JPH3: variants seen among roughly 807,000 people sequenced by gnomAD.
JPH3 encodes junctophilin 3.
In JPH3, 11 loss-of-function variants were observed where a neutral mutation model predicts 59.6. The observed-to-expected ratio is 0.18, with a 90% confidence interval of 0.12 to 0.31. The LOEUF is 0.31. JPH3 is among the 10% of genes least tolerant of loss of function. JPH3 has a pLI of 1.00. For synonymous variants in JPH3, 673 were observed against 483.6 expected, an observed-to-expected ratio of 1.39 and a Z score of -5.14; for missense variants, 1,202 against 1,105.7, an observed-to-expected ratio of 1.09 and a Z score of -1.24.
At chr16:87,641,799 A>T (rs2031962463) in intron 1 of JPH3, among the ~76,000 whole-genome samples, 1 of 152,260 alleles carries the variant, frequency 6.6e-6, no homozygotes, top group African/African-American at 2.4e-5. Context: ...TGGCTGGGCC[A>T]TATGCCACAT....
intron 2 of JPH3, among the ~76,000 whole-genome samples, chr16:87,651,987 T>C (rs924412726): frequency 1.3e-5 from 2 of 152,170 alleles, no homozygotes; most frequent in East Asian, 1.9e-4. Context: ...TTTTTTGTTT[T>C]GTTTTGAGAT....
chr16:87,644,610 C>T lies in JPH3; in HGVS notation c.735C>T (p.Arg245=), dbSNP rs761265274. ...ASQRSKQSSF[R]SEAGMSTVSS... is the part of the protein sequence containing the mutation. ...AACGCAGCAAGCAGAGCTCCTTTCGCAGCGAGGCGGGCATGAGCACCGTCA... is the reference window on the plus strand; with the variant it reads ...AACGCAGCAAGCAGAGCTCCTTTCGTAGCGAGGCGGGCATGAGCACCGTCA... Residue 245 remains arginine, a synonymous_variant, in exon 2 of 5, where the codon CGC becomes CGT. Coordinates refer to ENST00000284262, the MANE Select transcript of JPH3 (RefSeq NM_020655.4). The T allele has an allele frequency of 6.2e-6, 10 of 1,612,666 alleles. No homozygotes were observed. The highest frequency in any genetic ancestry group is 1.3e-5 in the African/African-American group (1 of 74,930).
intron 1 of JPH3, 40 bp downstream of exon 1, chr16:87,603,568 C>T: frequency 2.0e-6 from 3 of 1,530,780 alleles, no homozygotes; most frequent in South Asian, 1.2e-5. Context: ...GCGGGAGGGA[C>T]GTGCTTCCGA....
intron 1 of JPH3, among the ~76,000 whole-genome samples, chr16:87,633,122 G>C (rs1441480011): frequency 6.6e-6 from 1 of 152,164 alleles, no homozygotes; most frequent in Non-Finnish European, 1.5e-5. Context: ...AAATACCACA[G>C]ACAGCATGGC....
intron 1 of JPH3, among the ~76,000 whole-genome samples, chr16:87,642,995 C>A (rs1457453159): frequency 6.6e-6 from 1 of 152,194 alleles, no homozygotes; most frequent in African/African-American, 2.4e-5. Context: ...CTGTTTACCT[C>A]CAAGGCTTTC....
chr16:87,683,262 T>C (rs1597288536), intron 2 of JPH3, among the ~76,000 whole-genome samples: 1 of 152,052 alleles, frequency 6.6e-6, no homozygotes, highest in Admixed American at 6.5e-5. Flanking sequence ...TTGGACTCTT[T>C]CTGTGCACAT....
chr16:87,604,772 T>G (rs2030451212), intron 1 of JPH3: 1 of 676,420 alleles, frequency 1.5e-6, no homozygotes, highest in Non-Finnish European at 2.0e-6. Context: ...AAAAGCAGGG[T>G]TCGTTATTAC....
intron 1 of JPH3, among the ~76,000 whole-genome samples, chr16:87,620,923 G>A (rs981356392): frequency 1.3e-5 from 2 of 152,192 alleles, no homozygotes; most frequent in African/African-American, 4.8e-5. Flanking sequence ...CACTTTGGGA[G>A]GCTGAGGCCT....
chr16:87,669,615 C>G (rs957576215), intron 2 of JPH3, among the ~76,000 whole-genome samples: 1 of 152,118 alleles, frequency 6.6e-6, no homozygotes, highest in Middle Eastern at 3.2e-3. Flanking sequence ...CCTGTCTGCC[C>G]CATGGTGAGT....
Position 87,697,222 on chromosome 16 carries a change from T to C in JPH3, c.*562T>C. ...CTGTGTGAGATCTGTGCTGCACACC[T>C]GAGGGAGGGGGAGGGATCGGCCACC... is the stretch of plus-strand genomic sequence containing the variant. On this transcript the variant is annotated 3_prime_UTR_variant, in exon 5 of 5. Coordinates refer to ENST00000284262, the MANE Select transcript of JPH3 (RefSeq NM_020655.4). The C allele has an allele frequency of 6.4e-6, 1 of 155,894 alleles. No individual in the cohort carries two copies. Among genetic ancestry groups the C allele is most frequent in the Non-Finnish European group, 1.4e-5 (1 of 70,092 alleles). 9.7% of individuals were successfully genotyped at this position (155,894 alleles called of 1,614,324 possible).
intron 2 of JPH3, among the ~76,000 whole-genome samples, chr16:87,648,296 C>T (rs1441364387): frequency 6.6e-6 from 1 of 152,084 alleles, no homozygotes; most frequent in African/African-American, 2.4e-5. Flanking sequence ...GAGAGTGAAG[C>T]TGATGAATGG....
intron 4 of JPH3, chr16:87,695,289 C>G: frequency 2.2e-6 from 1 of 455,910 alleles, no homozygotes; most frequent in Non-Finnish European, 4.4e-6. Flanking sequence ...TGACCAGAGG[C>G]CAGACTTGGG....
rs147751307 is a variant in JPH3 at position 87,622,896 on chromosome 16, T to G, written c.382+19368T>G. On this transcript the variant is annotated intron_variant, in intron 1 of 4. Transcript: ENST00000284262. ...TCACCCTTCCAGGGCTGGCAAGGCATTGGGGGTATGAGAGGGCCCTGGGGT... is the reference window on the plus strand; with the variant it reads ...TCACCCTTCCAGGGCTGGCAAGGCAGTGGGGGTATGAGAGGGCCCTGGGGT... Among the ~76,000 whole-genome samples the G allele has an allele frequency of 2.0e-5, 3 of 152,026 alleles. No homozygotes were observed. In the East Asian group the frequency reaches 5.8e-4, roughly 29 times the overall value.
chr16:87,616,822 G>A (rs753820331), intron 1 of JPH3, among the ~76,000 whole-genome samples: 7 of 152,170 alleles, frequency 4.6e-5, no homozygotes, highest in East Asian at 1.9e-4. Flanking sequence ...CTTCAGTTTC[G>A]TCGTTTCCAA....
In JPH3 at chr16:87,677,877, T is replaced by C. The variant is rs12599139; in HGVS notation, c.1161-6265T>C. Among the ~76,000 whole-genome samples, 866 of 152,308 alleles carry C rather than the reference T, an allele frequency of 5.7e-3. 16 individuals are homozygous for C. The East Asian group carries it at 0.073, about 13-fold the overall frequency. ...AGCCGGAGGCCTGAGATTGTGGGGA[T>C]GGGGATTGAGGTCAGGACTGTCTTA... On this transcript the variant is annotated intron_variant, in intron 2 of 4. Coordinates refer to ENST00000284262, the MANE Select transcript of JPH3 (RefSeq NM_020655.4).
rs373143340 is a variant in JPH3, at chr16:87,644,402, C to T, written c.527C>T (p.Ala176Val). The change falls in exon 2 of 5, where the codon GCG becomes GTG. Residue 176 changes from alanine to valine, a missense_variant. Transcript: ENST00000284262. ...SLRSEHTNGT[A>V]LHPDASPAVA... ...CGCAGCGAGCACACCAACGGCACGG[C>T]GCTGCATCCCGACGCCTCTCCGGCG... 63 of 1,612,592 alleles carry T rather than the reference C, an allele frequency of 3.9e-5. 1 individual carries two copies. Among genetic ancestry groups the T allele is most frequent in the South Asian group, 2.2e-4 (20 of 91,046 alleles).
intron 4 of JPH3, 51 bp downstream of exon 4, chr16:87,690,577 C>T: frequency 7.0e-7 from 1 of 1,421,998 alleles, no homozygotes; most frequent in African/African-American, 1.4e-5. Context: ...ATCCACCTCT[C>T]TGCTGACCTG....
intron 1 of JPH3, among the ~76,000 whole-genome samples, chr16:87,627,003 A>C (rs906297493): frequency 3.9e-5 from 6 of 152,244 alleles, no homozygotes; most frequent in Admixed American, 3.9e-4. Flanking sequence ...TTTTTAAAAG[A>C]TAATTTTAAA....
chr16:87,666,278 A>G (rs1449032570), intron 2 of JPH3, among the ~76,000 whole-genome samples: 2 of 151,784 alleles, frequency 1.3e-5, no homozygotes, highest in Non-Finnish European at 2.9e-5. Flanking sequence ...TAGTAGAGAC[A>G]GGGTTTCATC....
Sources: allele counts gnomAD v4.1 joint callset (sites outside exome capture counted in the v4.1 genomes callset), GRCh38; gene constraint gnomAD v4.1.1; transcripts MANE v1.5; gene names NCBI Gene and HGNC (gene_info 2026-07-23, HGNC 2026-07-21).